Variants in ALPK1 observed in about 807,000 individuals in gnomAD.
ALPK1 encodes the protein alpha kinase 1, also known as alpha-protein kinase 1.
ALPK1 carries 110 observed loss-of-function variants against 120.6 expected under a neutral mutation model. That is an observed-to-expected ratio of 0.91 (90% CI 0.78 to 1.07). The LOEUF is 1.07. Among genes scored for constraint, ALPK1 ranks in the 50% least tolerant of loss-of-function variants. ALPK1 has a pLI of 0.00. For missense variants in ALPK1, 1,498 were observed against 1,483.9 expected, an observed-to-expected ratio of 1.01 and a Z score of -0.16; for synonymous variants, 582 against 560.3, an observed-to-expected ratio of 1.04 and a Z score of -0.55.
At chr4:112,404,306 G>A (rs1211555494) in intron 4 of ALPK1, among the ~76,000 whole-genome samples, 1 of 152,154 alleles carries the variant, frequency 6.6e-6, no homozygotes, top group African/African-American at 2.4e-5. Context: ...GGAATGAGTG[G>A]CTGACTTCTT....
chr4:112,356,998 A>T, intron 2 of ALPK1: 2 of 777,882 alleles, frequency 2.6e-6, no homozygotes, highest in Non-Finnish European at 4.7e-6. Context: ...TCAAGGTGGC[A>T]CAGCAGGGCC....
chr4:112,350,432 C>T (rs1298408341), intron 2 of ALPK1, among the ~76,000 whole-genome samples: 3 of 152,314 alleles, frequency 2.0e-5, no homozygotes, highest in African/African-American at 4.8e-5. Flanking sequence ...GACCCTCCCT[C>T]CTCCTACTCC....
chr4:112,417,620 G>T (rs111835235), intron 5 of ALPK1, among the ~76,000 whole-genome samples: 6 of 152,060 alleles, frequency 3.9e-5, no homozygotes, highest in Non-Finnish European at 8.8e-5. Flanking sequence ...CAAGTAGCTG[G>T]GACTACAGGC....
At chr4:112,357,538 T>C (rs1730691991) in intron 2 of ALPK1, 2 of 1,071,514 alleles carry the variant, frequency 1.9e-6, no homozygotes, top group African/African-American at 3.1e-5. Flanking sequence ...GGGCATCTGC[T>C]TTATCATCCT....
At position 112,432,000 on chromosome 4, in the gene ALPK1, G is replaced by T. The variant is rs112483372; in HGVS notation, c.2453G>T (p.Cys818Phe). Residue 818 changes from cysteine (C) to phenylalanine (F), a missense_variant, in exon 11 of 16, where the codon TGT becomes TTT. Coordinates refer to ENST00000650871, the MANE Select transcript of ALPK1 (RefSeq NM_025144.4). Reference protein sequence around the residue: ...NSLGNISMLPCSSFTPNWPVQ... With the variant: ...NSLGNISMLPFSSFTPNWPVQ... ...CTGGGAAACATTTCCATGCTGCCATGTAGCTCCTTCACCCCTAATTGGCCT... is the reference window on the plus strand; with the variant it reads ...CTGGGAAACATTTCCATGCTGCCATTTAGCTCCTTCACCCCTAATTGGCCT... 1.9e-6 allele frequency: 3 copies of T among 1,614,038 alleles called. No individual in the cohort carries two copies. The highest frequency in any genetic ancestry group is 2.5e-6 in the Non-Finnish European group (3 of 1,180,012).
At chr4:112,404,085 C>T (rs577371646) in intron 4 of ALPK1, among the ~76,000 whole-genome samples, 2 of 152,218 alleles carry the variant, frequency 1.3e-5, no homozygotes, top group Non-Finnish European at 1.5e-5. Context: ...TTTCCTTTTC[C>T]TTTCTCAGTT....
Position 112,432,187 on chromosome 4 carries a change from G to A in ALPK1, c.2640G>A (p.Pro880=), listed in dbSNP as rs563939401. Residue 880 remains proline (P), a synonymous_variant, in exon 11 of 16, where the codon CCG becomes CCA. Coordinates refer to ENST00000650871, the MANE Select transcript of ALPK1 (RefSeq NM_025144.4). ...ATAGACTGTGCATTCTGAGACAGCC[G>A]CCTGGTCAGAGGGCGGAGACCCCCA... The part of the protein sequence containing the change: ...GSHRLCILRQ[P]PGQRAETPNS... 60 of 1,614,188 alleles carry A rather than the reference G, an allele frequency of 3.7e-5. No homozygotes were observed. The highest frequency in any genetic ancestry group is 5.3e-5 in the African/African-American group (4 of 75,058).
intron 5 of ALPK1, chr4:112,423,704 A>G (rs1734103246): frequency 6.2e-6 from 4 of 642,820 alleles, no homozygotes; most frequent in Non-Finnish European, 1.2e-5. Flanking sequence ...TCACATACAT[A>G]TGAATCTAAT....
chr4:112,359,566 C>T lies in ALPK1; in HGVS notation c.-100-18112C>T, dbSNP rs897007912. 1.6e-5 allele frequency: 4 copies of T among 244,726 alleles called. No homozygotes were observed. In the South Asian group the frequency reaches 1.8e-4, roughly 11 times the overall value. 15.2% of individuals were successfully genotyped at this position (244,726 alleles called of 1,614,324 possible). ...AGCCTTGCCACGCCTCCTATGCTCA[C>T]CCACGGGGCTTCCCAACCAGACCGC... On this transcript the variant is annotated intron_variant, in intron 2 of 15. Transcript: ENST00000650871.
At chr4:112,306,634 C>A (rs1728074338) in intron 1 of ALPK1, among the ~76,000 whole-genome samples, 1 of 151,850 alleles carries the variant, frequency 6.6e-6, no homozygotes, top group African/African-American at 2.4e-5. Context: ...TTTGATTCTT[C>A]TCTCTTTTTT....
At chr4:112,400,375 G>A (rs1302504167) in intron 4 of ALPK1, among the ~76,000 whole-genome samples, 2 of 152,118 alleles carry the variant, frequency 1.3e-5, no homozygotes, top group South Asian at 2.1e-4. Context: ...AAAAGAATAA[G>A]GACCATCTCT....
At chr4:112,342,763 C>G (rs993133160) in intron 2 of ALPK1, among the ~76,000 whole-genome samples, 1 of 152,168 alleles carries the variant, frequency 6.6e-6, no homozygotes, top group Non-Finnish European at 1.5e-5. Context: ...GAAGTAGATA[C>G]AATTGTTAGC....
intron 5 of ALPK1, among the ~76,000 whole-genome samples, chr4:112,417,564 G>C (rs567260398): frequency 6.6e-6 from 1 of 152,238 alleles, no homozygotes; most frequent in Admixed American, 6.5e-5. Context: ...ATGGGTCACT[G>C]CAGCCTCAAC....
Position 112,432,591 on chromosome 4 carries a change from A to G in ALPK1, c.3034+10A>G, listed in dbSNP as rs149400383. 399 of 1,604,006 alleles carry G rather than the reference A, an allele frequency of 2.5e-4. 1 individual carries two copies. The Middle Eastern group carries it at 7.6e-3, about 31-fold the overall frequency. On this transcript the variant is annotated intron_variant, in intron 11 of 15. Coordinates refer to ENST00000650871, the MANE Select transcript of ALPK1 (RefSeq NM_025144.4). Reference sequence around the variant, plus strand: ...CTCCACCGAGCACATAGTAAGTACAATCTTTTCAATAGTTCCCCCCTCAGG... The same window carrying G: ...CTCCACCGAGCACATAGTAAGTACAGTCTTTTCAATAGTTCCCCCCTCAGG...
chr4:112,368,142 T>G (rs1307744762), intron 2 of ALPK1, among the ~76,000 whole-genome samples: 1 of 152,232 alleles, frequency 6.6e-6, no homozygotes, highest in Non-Finnish European at 1.5e-5. Flanking sequence ...GCTCTCGAAC[T>G]CCTGACCTCA....
chr4:112,359,089 C>T (rs563204001), intron 2 of ALPK1: 47 of 738,112 alleles, frequency 6.4e-5, no homozygotes, highest in East Asian at 4.2e-4. Flanking sequence ...GGAAGGACAG[C>T]GCCGGATCCC....
At chr4:112,318,898 G>GTTCA (rs1347689609) in intron 2 of ALPK1, among the ~76,000 whole-genome samples, 1 of 152,364 alleles carries the variant, frequency 6.6e-6, no homozygotes, top group Admixed American at 6.5e-5. Flanking sequence ...CTAAGGGCAA[G>GTTCA]TTCACAGTGG....
intron 2 of ALPK1, among the ~76,000 whole-genome samples, chr4:112,341,622 C>T (rs936965576): frequency 6.6e-6 from 1 of 151,942 alleles, no homozygotes; most frequent in East Asian, 1.9e-4. Context: ...CTTTTACGTC[C>T]AATAATGATG....
chr4:112,402,835 T>C (rs1056449504), intron 4 of ALPK1, among the ~76,000 whole-genome samples: 1 of 152,220 alleles, frequency 6.6e-6, no homozygotes, highest in African/African-American at 2.4e-5. Context: ...AGCTATACTA[T>C]GTTCATCCCA....
Sources: allele counts gnomAD v4.1 joint callset (sites outside exome capture counted in the v4.1 genomes callset), GRCh38; gene constraint gnomAD v4.1.1; transcripts MANE v1.5; gene names NCBI Gene and HGNC (gene_info 2026-07-23, HGNC 2026-07-21).